Variants in NFATC3 observed in about 807,000 individuals in gnomAD.
NFATC3 encodes nuclear factor of activated T cells 3.
In NFATC3, 46 loss-of-function variants were observed where a neutral mutation model predicts 98.6. That is an observed-to-expected ratio of 0.47 (90% CI 0.37 to 0.60). NFATC3 has a LOEUF of 0.60. Among genes scored for constraint, NFATC3 ranks in the 20% least tolerant of loss-of-function variants. NFATC3 has a pLI of 0.00. For synonymous variants in NFATC3, 512 were observed against 472.2 expected, an observed-to-expected ratio of 1.08 and a Z score of -1.09; for missense variants, 1,256 against 1,295.5, an observed-to-expected ratio of 0.97 and a Z score of 0.47.
chr16:68,134,787 G>T, intron 3 of NFATC3, among the ~76,000 whole-genome samples: 1 of 152,030 alleles, frequency 6.6e-6, no homozygotes. Context: ...TTCTATTTTT[G>T]TTTTTTGAAT....
rs2038700636 is a variant in NFATC3, at chr16:68,157,929, C to G, written c.1462C>G (p.Arg488Gly). 1.9e-6 allele frequency: 3 copies of G among 1,613,476 alleles called. No homozygotes were observed. The highest frequency in any genetic ancestry group is 2.2e-5 in the East Asian group (1 of 44,830). Residue 488 changes from arginine to glycine, a missense_variant, in exon 4 of 10, where the codon CGA (arginine) becomes GGA (glycine). Physicochemically the swap from Arg to Gly is moderately radical, Grantham distance 125. Around this residue, in one of 3 missense-constraint regions of NFATC3, gnomAD observed 156 missense variants for 212.4 expected, o/e 0.73. Transcript: ENST00000346183. ...AATGTTTATTGGGACAGCAGATGAT[C>G]GATATTTACGACCTCATGCATTTTA... The part of the protein sequence containing the change: ...LQMFIGTADD[R>G]YLRPHAFYQV...
chr16:68,198,798 C>T (rs1409550057), intron 9 of NFATC3, among the ~76,000 whole-genome samples: 1 of 152,148 alleles, frequency 6.6e-6, no homozygotes, highest in East Asian at 1.9e-4. Flanking sequence ...CCTGTAATCC[C>T]AGCACTATGG....
At position 68,126,484 on chromosome 16, in the gene NFATC3, A is replaced by G. The variant is rs768657193; in HGVS notation, c.1275A>G (p.Pro425=). ...SSLPPLDWPL[P]AHFGQCELKI... ...TACCTCCACTAGACTGGCCTTTACC[A>G]GCTCATTTTGGACAATGTGAACTGA... Residue 425 remains proline (P), a synonymous_variant, in exon 3 of 10, where the codon CCA becomes CCG. Transcript: ENST00000346183. The G allele has an allele frequency of 5.0e-6, 8 of 1,614,078 alleles. No individual in the cohort carries two copies. Among genetic ancestry groups the G allele is most frequent in the Middle Eastern group, 3.3e-4 (2 of 6,060 alleles).
In NFATC3 at chr16:68,166,840, T is replaced by C. The variant is rs779845516; in HGVS notation, c.1602-3T>C. The C allele has an allele frequency of 1.4e-5, 23 of 1,607,182 alleles. No homozygotes were observed. The South Asian group carries it at 2.2e-4, about 15-fold the overall frequency. ...AATTAAATTTTTGTATTTTTCTCTT[T>C]AGTATTGATTGTGCAGGTATTTTGA... is the stretch of plus-strand genomic sequence containing the variant. On this transcript the variant is annotated splice_region_variant and splice_polypyrimidine_tract_variant and intron_variant, in intron 4 of 9. Transcript: ENST00000346183.
rs747475337 is a variant in NFATC3, at chr16:68,113,718, C to T, written c.104-8269C>T. Among the ~76,000 whole-genome samples the T allele has an allele frequency of 4.5e-4, 68 of 152,330 alleles. 1 individual carries two copies. The highest frequency in any genetic ancestry group is 2.2e-4 in the Non-Finnish European group (15 of 68,032). On this transcript the variant is annotated intron_variant, in intron 1 of 9. Transcript: ENST00000346183. ...CCATGAGACCATGACCACCCCTACC[C>T]GTAGAGGCTCCTTCCCAGGGATATC...
intron 9 of NFATC3, among the ~76,000 whole-genome samples, chr16:68,206,535 T>C (rs1230415030): frequency 1.3e-5 from 2 of 152,234 alleles, no homozygotes; most frequent in South Asian, 4.1e-4. Context: ...CTTAGCATAA[T>C]GTTTTCAAGG....
chr16:68,135,800 C>T (rs916655503), intron 3 of NFATC3, among the ~76,000 whole-genome samples: 1 of 152,234 alleles, frequency 6.6e-6, no homozygotes, highest in East Asian at 1.9e-4. Context: ...CGGTGGCTCA[C>T]GCCTGTAATC....
At chr16:68,100,019 C>G (rs1031703797) in intron 1 of NFATC3, among the ~76,000 whole-genome samples, 4 of 152,086 alleles carry the variant, frequency 2.6e-5, no homozygotes, top group African/African-American at 9.7e-5. Flanking sequence ...CATTGCCTGG[C>G]GATCCTTCCA....
chr16:68,153,761 C>A (rs1277836748), intron 3 of NFATC3, among the ~76,000 whole-genome samples: 2 of 151,918 alleles, frequency 1.3e-5, no homozygotes, highest in African/African-American at 4.8e-5. Context: ...CTACAGGCAC[C>A]TGCCACCATG....
intron 3 of NFATC3, among the ~76,000 whole-genome samples, chr16:68,144,886 G>A (rs1454541724): frequency 1.3e-5 from 2 of 152,040 alleles, no homozygotes; most frequent in Non-Finnish European, 2.9e-5. Flanking sequence ...CGGAACTCTT[G>A]ACCTCAGGTG....
chr16:68,214,251 C>A, intron 9 of NFATC3: 2 of 1,033,378 alleles, frequency 1.9e-6, no homozygotes, highest in Non-Finnish European at 1.5e-6. Context: ...AGAAAAAAAA[C>A]AGGCTGGGCA....
chr16:68,160,892 C>T (rs1399094364), intron 4 of NFATC3, among the ~76,000 whole-genome samples: 1 of 152,108 alleles, frequency 6.6e-6, no homozygotes, highest in East Asian at 1.9e-4. Context: ...GCCATGTTGA[C>T]CAGGCTGGTC....
At chr16:68,137,700 G>T (rs1598426647) in intron 3 of NFATC3, among the ~76,000 whole-genome samples, 1 of 148,952 alleles carries the variant, frequency 6.7e-6, no homozygotes, top group Admixed American at 6.8e-5. Context: ...TGCAAGCTCC[G>T]CCTCCTGGGT....
At position 68,229,171 on chromosome 16, in the gene NFATC3, C is replaced by T. The variant is rs980893135; in HGVS notation, c.*2700C>T. ...AAACCTTTTATGGGAGTGCAGTGCT[C>T]CTTACACAAATACAAAGGGAAGAAG... On this transcript the variant is annotated 3_prime_UTR_variant, in exon 10 of 10. Transcript: ENST00000346183. The T allele has an allele frequency of 2.0e-5, 3 of 152,176 alleles. No homozygotes were observed. The highest frequency in any genetic ancestry group is 7.2e-5 in the African/African-American group (3 of 41,426). The allele number at this position is 152,176 out of a possible 1,614,324, so 9.4% of individuals were successfully genotyped here. A position where few individuals can be genotyped will look rare whatever the true frequency, so the allele number is the denominator to read the frequency against.
intron 3 of NFATC3, among the ~76,000 whole-genome samples, chr16:68,130,269 A>G (rs1022105958): frequency 6.6e-6 from 1 of 152,160 alleles, no homozygotes; most frequent in African/African-American, 2.4e-5. Flanking sequence ...CATTTCCATA[A>G]CAGTGTGCCA....
rs1364201963 is a variant in NFATC3 at position 68,163,861 on chromosome 16, G to A, written c.1602-2982G>A. 5.3e-5 allele frequency among the ~76,000 whole-genome samples: 8 copies of A among 150,786 alleles called. No individual in the cohort carries two copies. In the East Asian group the frequency reaches 5.9e-4, roughly 11 times the overall value. On this transcript the variant is annotated intron_variant, in intron 4 of 9. Coordinates refer to ENST00000346183, the MANE Select transcript of NFATC3 (RefSeq NM_173165.3). ...GATGGGATGGCGGCCGGGAAGAGGC[G>A]CTCCTCACTTCCTAGATGGGATGGC... is the stretch of plus-strand genomic sequence containing the variant.
At position 68,122,469 on chromosome 16, in the gene NFATC3, T is replaced by A. The variant is rs773998520; in HGVS notation, c.586T>A (p.Leu196Met). The A allele has an allele frequency of 2.7e-5, 44 of 1,613,860 alleles. No individual in the cohort carries two copies. The Admixed American group carries it at 7.3e-4, about 27-fold the overall frequency. The change falls in exon 2 of 10, where the codon TTG becomes ATG. Residue 196 changes from leucine to methionine, a missense_variant. By Grantham distance (15) the Leu-to-Met change is conservative. Coordinates refer to ENST00000346183, the MANE Select transcript of NFATC3 (RefSeq NM_173165.3). ...SHIYDDVDSE[L>M]NEAAARFTLG... ...TATTTATGATGATGTGGACTCAGAG[T>A]TGAATGAAGCTGCAGCCCGATTTAC... is the stretch of plus-strand genomic sequence containing the variant.
chr16:68,143,314 G>A (rs904196987), intron 3 of NFATC3, among the ~76,000 whole-genome samples: 1 of 151,086 alleles, frequency 6.6e-6, no homozygotes, highest in African/African-American at 2.4e-5. Flanking sequence ...CTTGAGATAC[G>A]TTACTTTTTT....
intron 1 of NFATC3, among the ~76,000 whole-genome samples, chr16:68,093,434 GAC>G (rs1233370479): frequency 6.6e-6 from 1 of 152,072 alleles, no homozygotes; most frequent in Non-Finnish European, 1.5e-5. Context: ...CAGGACTTCT[GAC>G]TCCTAGTCCT....
Sources: allele counts gnomAD v4.1 joint callset (sites outside exome capture counted in the v4.1 genomes callset), GRCh38; gene constraint gnomAD v4.1.1; regional missense constraint gnomAD v4.1.1; transcripts MANE v1.5; gene names NCBI Gene and HGNC (gene_info 2026-07-23, HGNC 2026-07-21).